Variants in CCDC62 observed in about 807,000 individuals in gnomAD.
The protein encoded by CCDC62 is coiled-coil domain containing 62.
Under a neutral mutation model 80.8 loss-of-function variants are expected in CCDC62, and 72 were observed. That is an observed-to-expected ratio of 0.89 (90% CI 0.74 to 1.08). The LOEUF is 1.08. CCDC62 is among the 50% of genes least tolerant of loss of function. The pLI, the probability that CCDC62 is intolerant of heterozygous loss-of-function variation, is 0.00. For missense variants in CCDC62, 704 were observed against 809.4 expected, an observed-to-expected ratio of 0.87 and a Z score of 1.58; for synonymous variants, 286 against 296.5, an observed-to-expected ratio of 0.96 and a Z score of 0.36.
At chr12:122,789,349 T>G (rs960450401) in intron 5 of CCDC62, among the ~76,000 whole-genome samples, 2 of 152,256 alleles carry the variant, frequency 1.3e-5, no homozygotes, top group African/African-American at 4.8e-5. Flanking sequence ...ACACATTTCA[T>G]CGTCTTGCTA....
At chr12:122,785,463 A>G (rs2030155536) in intron 3 of CCDC62, among the ~76,000 whole-genome samples, 1 of 152,212 alleles carries the variant, frequency 6.6e-6, no homozygotes, top group Non-Finnish European at 1.5e-5. Flanking sequence ...TAGGGCAAAT[A>G]CAAGTACTGA....
chr12:122,779,190 G>C (rs1460044298), intron 2 of CCDC62, among the ~76,000 whole-genome samples: 1 of 152,172 alleles, frequency 6.6e-6, no homozygotes, highest in Non-Finnish European at 1.5e-5. Flanking sequence ...AAAGTTTCCT[G>C]TTCTCATTAG....
At chr12:122,800,595 T>G (rs1488722060) in intron 8 of CCDC62, among the ~76,000 whole-genome samples, 1 of 151,936 alleles carries the variant, frequency 6.6e-6, no homozygotes, top group Non-Finnish European at 1.5e-5. Context: ...GCCCGGCTAA[T>G]TTTTGTATAT....
In CCDC62 at chr12:122,798,076, C is replaced by T; in HGVS notation, c.862-9C>T. The T allele has an allele frequency of 1.6e-6, 2 of 1,289,132 alleles. No homozygotes were observed. The highest frequency in any genetic ancestry group is 2.3e-6 in the Non-Finnish European group (2 of 888,636). 79.9% of individuals were successfully genotyped at this position (1,289,132 alleles called of 1,614,324 possible). ...ACATTTCATGTTGATTTGTCAATAT[C>T]TATGACAGATTTATGTAAAACAACA... On this transcript the variant is annotated splice_polypyrimidine_tract_variant and intron_variant, in intron 7 of 12. Coordinates refer to ENST00000253079, the MANE Select transcript of CCDC62 (RefSeq NM_201435.5).
chr12:122,775,116 A>G (rs979402258), intron 1 of CCDC62, among the ~76,000 whole-genome samples: 3 of 150,150 alleles, frequency 2.0e-5, no homozygotes, highest in African/African-American at 7.4e-5. Context: ...AAAAAAAAAA[A>G]GTGAAACAAT....
intron 10 of CCDC62, among the ~76,000 whole-genome samples, chr12:122,811,472 A>G (rs990287608): frequency 2.6e-5 from 4 of 151,110 alleles, no homozygotes; most frequent in African/African-American, 9.7e-5. Flanking sequence ...CAGCCTCCCA[A>G]AGTGCTGGGA....
intron 11 of CCDC62, among the ~76,000 whole-genome samples, chr12:122,822,804 A>G (rs2032468241): frequency 6.6e-6 from 1 of 151,712 alleles, no homozygotes; most frequent in African/African-American, 2.4e-5. Flanking sequence ...AAATTACAGA[A>G]TTTTGTTTGT....
chr12:122,826,130 T>C (rs2032622749), intron 12 of CCDC62, among the ~76,000 whole-genome samples: 1 of 152,162 alleles, frequency 6.6e-6, no homozygotes, highest in South Asian at 2.1e-4. Flanking sequence ...AGAACCCAGT[T>C]TGATAAGCTA....
intron 6 of CCDC62, among the ~76,000 whole-genome samples, chr12:122,797,065 A>G (rs956187554): frequency 2.0e-5 from 3 of 151,836 alleles, no homozygotes; most frequent in African/African-American, 4.8e-5. Flanking sequence ...TTTAGTAGAA[A>G]TGGGGTTTCA....
At position 122,788,627 on chromosome 12, in the gene CCDC62, T is replaced by C. The variant is rs546675404; in HGVS notation, c.499-131T>C. On this transcript the variant is annotated intron_variant, in intron 4 of 12. Transcript: ENST00000253079. ...CACCCTCATAGAGTTACTGTAAAGA[T>C]TAAATGAATTCATATGCGAAAAATG... is the stretch of plus-strand genomic sequence containing the variant. 95 of 602,690 alleles carry C rather than the reference T, an allele frequency of 1.6e-4. No individual in the cohort carries two copies. In the African/African-American group the frequency reaches 1.7e-3, roughly 11 times the overall value. 37.3% of individuals were successfully genotyped at this position (602,690 alleles called of 1,614,324 possible). A position where few individuals can be genotyped will look rare whatever the true frequency, so the allele number is the denominator to read the frequency against.
intron 1 of CCDC62, chr12:122,776,544 G>A (rs1438125430): frequency 6.6e-6 from 1 of 152,092 alleles, no homozygotes; most frequent in East Asian, 1.9e-4. Context: ...AGAGTATATG[G>A]GAGTTTATCG....
chr12:122,787,142 C>T (rs1415315817), intron 4 of CCDC62, among the ~76,000 whole-genome samples: 7 of 152,026 alleles, frequency 4.6e-5, no homozygotes, highest in South Asian at 2.1e-4. Context: ...ACAGTGGGTG[C>T]GTTAGGAAGG....
At chr12:122,775,821 C>T (rs1879415048) in intron 1 of CCDC62, among the ~76,000 whole-genome samples, 1 of 152,232 alleles carries the variant, frequency 6.6e-6, no homozygotes, top group African/African-American at 2.4e-5. Context: ...CCATGTTGGC[C>T]AGGCTGGTCT....
intron 9 of CCDC62, among the ~76,000 whole-genome samples, chr12:122,802,500 G>A (rs1297262467): frequency 2.1e-5 from 3 of 144,836 alleles, no homozygotes; most frequent in African/African-American, 7.7e-5. Context: ...TGAAACCTCC[G>A]CCTCCTGGGT....
chr12:122,787,184 A>C (rs1009773423), intron 4 of CCDC62, among the ~76,000 whole-genome samples: 4 of 152,180 alleles, frequency 2.6e-5, no homozygotes, highest in African/African-American at 9.6e-5. Context: ...GCCGTGGCTC[A>C]TGCCTATAAT....
chr12:122,813,733 T>G (rs937920658), intron 11 of CCDC62, among the ~76,000 whole-genome samples: 6 of 152,096 alleles, frequency 3.9e-5, no homozygotes, highest in South Asian at 4.1e-4. Context: ...CTCAGCTCAT[T>G]GCAACCTCCA....
At chr12:122,812,756 G>GGAGAGAGAGAGAGA (rs551370561) in intron 10 of CCDC62, among the ~76,000 whole-genome samples, 6 of 88,790 alleles carry the variant, frequency 6.8e-5, no homozygotes, top group African/African-American at 2.7e-4. Context: ...AGAGAGGGAG[G>GGAGAGAGAGAGAGA]GAGAGAGAGA....
chr12:122,799,294 A>G (rs839360), intron 8 of CCDC62, among the ~76,000 whole-genome samples: 19,164 of 152,044 alleles, frequency 0.13, 2,257 homozygotes, highest in African/African-American at 0.31. Context: ...TGAATCATTC[A>G]TTCATCCATC....
intron 10 of CCDC62, among the ~76,000 whole-genome samples, chr12:122,809,379 A>G (rs544125980): frequency 6.6e-6 from 1 of 152,142 alleles, no homozygotes; most frequent in Non-Finnish European, 1.5e-5. Flanking sequence ...GGTCCCAGCC[A>G]CTCAAGAGGT....
Sources: gnomAD v4.1 joint callset for allele counts (sites outside exome capture counted in the v4.1 genomes callset) on GRCh38, gnomAD v4.1.1 for gene constraint, MANE v1.5 for transcripts, NCBI Gene and HGNC (gene_info 2026-07-23, HGNC 2026-07-21) for gene names.